The following ZDHHC15 variants were observed in gnomAD, a reference collection of about 807,000 sequenced individuals.
ZDHHC15 encodes zDHHC palmitoyltransferase 15, also known as palmitoyltransferase ZDHHC15.
Under a neutral mutation model 31.7 loss-of-function variants are expected in ZDHHC15, and 19 were observed. The ratio of observed to expected loss-of-function variants is 0.60; its 90% CI spans 0.42 to 0.88. The LOEUF (loss-of-function observed/expected upper bound fraction) is 0.88, where lower values mean the gene tolerates loss of function less well. Among genes scored for constraint, ZDHHC15 ranks in the 40% least tolerant of loss-of-function variants. ZDHHC15 has a pLI of 0.00. For missense variants in ZDHHC15, 209 were observed against 251.2 expected (o/e 0.83, Z 1.14); for synonymous variants, 103 against 90.0 (o/e 1.14, Z -0.82).
intron 3 of ZDHHC15, among the ~76,000 whole-genome samples, chrX:75,474,505 T>C (rs2084559692): frequency 9.5e-6 from 1 of 105,058 alleles, no homozygotes; most frequent in Non-Finnish European, 1.9e-5. Flanking sequence ...TACACTTTTA[T>C]ATACTCCCAT....
chrX:75,409,023 C>T (rs917808365), intron 10 of ZDHHC15, among the ~76,000 whole-genome samples: 1 of 111,639 alleles, frequency 9.0e-6, no homozygotes, highest in East Asian at 2.8e-4. Flanking sequence ...TCCATTCTAC[C>T]CAAAGCAATC....
chrX:75,489,146 G>T (rs926995197), intron 2 of ZDHHC15, among the ~76,000 whole-genome samples: 1 of 112,143 alleles, frequency 8.9e-6, no homozygotes, highest in Non-Finnish European at 1.9e-5. Flanking sequence ...GCCTGCCTCT[G>T]TAGACTCCAC....
chrX:75,485,065 G>T (rs2084755328), intron 2 of ZDHHC15, among the ~76,000 whole-genome samples: 1 of 111,118 alleles, frequency 9.0e-6, no homozygotes, highest in African/African-American at 3.3e-5. Flanking sequence ...AGAGTGAGAG[G>T]GTTTCTTGTG....
chrX:75,446,582 CAT>C (rs1469961694), intron 4 of ZDHHC15, among the ~76,000 whole-genome samples: 1 of 112,134 alleles, frequency 8.9e-6, no homozygotes, highest in African/African-American at 3.2e-5. Flanking sequence ...TGGTTGATCA[CAT>C]GTTTTACTCC....
At chrX:75,489,218 C>T (rs1395038841) in intron 2 of ZDHHC15, among the ~76,000 whole-genome samples, 1 of 111,904 alleles carries the variant, frequency 8.9e-6, no homozygotes, top group East Asian at 2.8e-4. Flanking sequence ...TTAAATGTCC[C>T]TGTCTGACAG....
intron 10 of ZDHHC15, among the ~76,000 whole-genome samples, chrX:75,406,500 G>A (rs1248903206): frequency 9.0e-6 from 1 of 110,572 alleles, no homozygotes; most frequent in Non-Finnish European, 1.9e-5. Flanking sequence ...AATCAGAAGT[G>A]AAAATGGGAT....
At chrX:75,496,590 T>G (rs916662197) in intron 2 of ZDHHC15, among the ~76,000 whole-genome samples, 1 of 111,932 alleles carries the variant, frequency 8.9e-6, no homozygotes, top group East Asian at 2.8e-4. Flanking sequence ...TTTTGCAAGA[T>G]AGATCATATG....
chrX:75,428,043 G>A (rs1400492142), intron 7 of ZDHHC15, among the ~76,000 whole-genome samples: 2 of 110,930 alleles, frequency 1.8e-5, no homozygotes, highest in Admixed American at 1.9e-4. Flanking sequence ...CTATATTCTG[G>A]TCACTGAATT....
intron 3 of ZDHHC15, among the ~76,000 whole-genome samples, chrX:75,456,312 T>C (rs923429140): frequency 1.9e-5 from 2 of 103,812 alleles, no homozygotes; most frequent in Non-Finnish European, 3.9e-5. Context: ...ATGAGAACAC[T>C]TGGACACAGG....
rs771580630 is a variant in ZDHHC15 at position 75,467,738 on chromosome X, T to A, written c.258+11153A>T. Among the ~76,000 whole-genome samples, 52 of 112,400 alleles carry A rather than the reference T, an allele frequency of 4.6e-4. 1 individual carries two copies. Among genetic ancestry groups the A allele is most frequent in the Admixed American group, 1.1e-3 (12 of 10,582 alleles). On this transcript the variant is annotated intron_variant, in intron 3 of 11. Coordinates refer to ENST00000373367, the MANE Select transcript of ZDHHC15 (RefSeq NM_144969.3). ...ATAAGGTGATGACGACAGTCATTTTTATTTAGGCAAAATTCACATAACATA... is the reference window on the plus strand; with the variant it reads ...ATAAGGTGATGACGACAGTCATTTTAATTTAGGCAAAATTCACATAACATA...
chrX:75,370,523 C>CTTTTT lies in ZDHHC15; in HGVS notation c.*2450_*2454dup, dbSNP rs201758247. On this transcript the variant is annotated 3_prime_UTR_variant, in exon 12 of 12. Coordinates refer to ENST00000373367, the MANE Select transcript of ZDHHC15 (RefSeq NM_144969.3). ...CCTGGTAAAACCCTGATTTATTTGG[C>CTTTTT]TTTTTTTTTTTTTTTTTTTTTTTTT... is the stretch of plus-strand genomic sequence containing the variant. 3.0e-4 allele frequency: 24 copies of CTTTTT among 81,244 alleles called. 1 individual carries two copies. Among genetic ancestry groups the CTTTTT allele is most frequent in the African/African-American group, 1.2e-3 (22 of 19,111 alleles). The allele number at this position is 81,244 out of a possible 1,213,427, so 6.7% of individuals were successfully genotyped here. A position where few individuals can be genotyped will look rare whatever the true frequency, so the allele number is the denominator to read the frequency against.
chrX:75,468,243 C>T (rs2084444542), intron 3 of ZDHHC15, among the ~76,000 whole-genome samples: 1 of 110,268 alleles, frequency 9.1e-6, no homozygotes, highest in South Asian at 4.0e-4. Flanking sequence ...CGGGGTTTCT[C>T]CAAGTTGGTC....
chrX:75,460,915 G>A (rs984664792), intron 3 of ZDHHC15, among the ~76,000 whole-genome samples: 8 of 111,942 alleles, frequency 7.1e-5, no homozygotes, highest in African/African-American at 2.6e-4. Flanking sequence ...TAGAGCAAGG[G>A]CACAGAACTG....
intron 1 of ZDHHC15, among the ~76,000 whole-genome samples, chrX:75,509,618 G>A (rs987495275): frequency 4.5e-5 from 5 of 112,163 alleles, no homozygotes; most frequent in East Asian, 5.6e-4. Context: ...GCATGTATTC[G>A]TATTTTGGCT....
At chrX:75,455,017 C>A (rs954051821) in intron 3 of ZDHHC15, among the ~76,000 whole-genome samples, 2 of 111,316 alleles carry the variant, frequency 1.8e-5, no homozygotes, top group East Asian at 5.6e-4. Flanking sequence ...GAAAAAACTA[C>A]TTTAAAGTTC....
chrX:75,407,753 GT>G (rs1167506253), intron 10 of ZDHHC15, among the ~76,000 whole-genome samples: 1 of 113,164 alleles, frequency 8.8e-6, no homozygotes, highest in East Asian at 2.8e-4. Flanking sequence ...GACGATGGCA[GT>G]TTTGTCAAAT....
chrX:75,470,015 C>T (rs2084479019), intron 3 of ZDHHC15, among the ~76,000 whole-genome samples: 1 of 111,208 alleles, frequency 9.0e-6, no homozygotes, highest in African/African-American at 3.3e-5. Context: ...TCATGTGCTT[C>T]TTTGTGATGG....
At chrX:75,448,941 C>T (rs142502254) in intron 4 of ZDHHC15, among the ~76,000 whole-genome samples, 1,487 of 110,552 alleles carry the variant, frequency 0.013, 18 homozygotes, top group Middle Eastern at 0.032. Flanking sequence ...CTCATCCAAT[C>T]CTTTGAGGAC....
intron 2 of ZDHHC15, among the ~76,000 whole-genome samples, chrX:75,498,537 C>A (rs1221274992): frequency 9.0e-6 from 1 of 111,375 alleles, no homozygotes; most frequent in African/African-American, 3.3e-5. Context: ...ACCCCTTTTA[C>A]AATAACTGAA....
Sources: gnomAD v4.1 joint callset for allele counts (sites outside exome capture counted in the v4.1 genomes callset) on GRCh38, gnomAD v4.1.1 for gene constraint, MANE v1.5 for transcripts, NCBI Gene and HGNC (gene_info 2026-07-23, HGNC 2026-07-21) for gene names.